The following INPP4B variants were observed in gnomAD, a reference collection of about 807,000 sequenced individuals.
INPP4B encodes inositol polyphosphate-4-phosphatase type II B, also known as inositol polyphosphate 4-phosphatase type II.
INPP4B carries 55 observed loss-of-function variants against 122.5 expected under a neutral mutation model. The observed-to-expected ratio is 0.45, with a 90% confidence interval of 0.36 to 0.56. The LOEUF (loss-of-function observed/expected upper bound fraction) is 0.56. Among genes scored for constraint, INPP4B ranks in the 20% least tolerant of loss-of-function variants. The pLI is 0.00. For missense variants in INPP4B, 1,000 were observed against 1,097.7 expected (o/e 0.91, Z 1.26); for synonymous variants, 403 against 388.7 (o/e 1.04, Z -0.43).
chr4:142,679,931 C>T (rs1758384377), intron 2 of INPP4B, among the ~76,000 whole-genome samples: 1 of 151,714 alleles, frequency 6.6e-6, no homozygotes, highest in Non-Finnish European at 1.5e-5. Flanking sequence ...ACGGTATTAT[C>T]TAGACATTAG....
chr4:142,416,287 G>A (rs1805750865), intron 5 of INPP4B, among the ~76,000 whole-genome samples: 1 of 152,078 alleles, frequency 6.6e-6, no homozygotes, highest in Admixed American at 6.6e-5. Context: ...AGCCGACAGG[G>A]AGGCAGCTGT....
At chr4:142,636,120 C>A (rs1353606862) in intron 2 of INPP4B, among the ~76,000 whole-genome samples, 1 of 152,002 alleles carries the variant, frequency 6.6e-6, no homozygotes, top group Non-Finnish European at 1.5e-5. Flanking sequence ...AGGGGCTTCT[C>A]CTTTCACTCA....
At chr4:142,764,774 C>T (rs1221472085) in intron 1 of INPP4B, among the ~76,000 whole-genome samples, 1 of 151,802 alleles carries the variant, frequency 6.6e-6, no homozygotes, top group Admixed American at 6.6e-5. Context: ...AGACCCTTAA[C>T]AGGAGGGTCT....
chr4:142,453,847 A>G (rs1814826461), intron 3 of INPP4B, among the ~76,000 whole-genome samples: 1 of 152,188 alleles, frequency 6.6e-6, no homozygotes, highest in Non-Finnish European at 1.5e-5. Context: ...TGGAATATCT[A>G]CAAGAATAAA....
chr4:142,035,089 T>C (rs1743011405), intron 25 of INPP4B, among the ~76,000 whole-genome samples: 1 of 152,202 alleles, frequency 6.6e-6, no homozygotes, highest in East Asian at 1.9e-4. Context: ...TAGAAGCACT[T>C]GGCATCAAGC....
chr4:142,230,475 A>G (rs1853727467), intron 12 of INPP4B, among the ~76,000 whole-genome samples: 1 of 151,984 alleles, frequency 6.6e-6, no homozygotes, highest in South Asian at 2.1e-4. Flanking sequence ...GAGAAACTCC[A>G]TCTCCACTAA....
intron 2 of INPP4B, among the ~76,000 whole-genome samples, chr4:142,633,620 G>A (rs1052923542): frequency 5.3e-5 from 8 of 152,064 alleles, no homozygotes; most frequent in Admixed American, 3.3e-4. Context: ...GAAAAAGACC[G>A]AAAGCAATGA....
intron 7 of INPP4B, among the ~76,000 whole-genome samples, chr4:142,318,607 A>G (rs1278909234): frequency 6.6e-6 from 1 of 152,208 alleles, no homozygotes; most frequent in African/African-American, 2.4e-5. Context: ...AAACATTCTT[A>G]CAGCTTCCTT....
chr4:142,789,293 G>C (rs1197452583), intron 1 of INPP4B, among the ~76,000 whole-genome samples: 1 of 152,068 alleles, frequency 6.6e-6, no homozygotes, highest in Non-Finnish European at 1.5e-5. Flanking sequence ...AAGTCAAACT[G>C]TCACTGTTTG....
rs1196117233 is a variant in INPP4B at position 142,027,480 on chromosome 4, T to G, written c.*1302A>C. ...TTGTAAAATTTGGAGAAAAGTTTCA[T>G]TCGTTCAGACTTTTGTACTCTTAGT... On this transcript the variant is annotated 3_prime_UTR_variant, in exon 26 of 26. Transcript: ENST00000262992. 6.6e-6 allele frequency: 1 copy of G among 152,222 alleles called. No individual in the cohort carries two copies. The highest frequency in any genetic ancestry group is 2.4e-5 in the African/African-American group (1 of 41,466). The allele number at this position is 152,222 out of a possible 1,614,324, so 9.4% of individuals were successfully genotyped here. A position where few individuals can be genotyped will look rare whatever the true frequency, so the allele number is the denominator to read the frequency against.
chr4:142,378,230 G>C (rs1240832339), intron 7 of INPP4B, among the ~76,000 whole-genome samples: 1 of 152,036 alleles, frequency 6.6e-6, no homozygotes, highest in African/African-American at 2.4e-5. Flanking sequence ...TAGAACTTTT[G>C]GCTCTAAATT....
intron 2 of INPP4B, among the ~76,000 whole-genome samples, chr4:142,675,826 A>C (rs755985446): frequency 6.6e-6 from 1 of 152,182 alleles, no homozygotes; most frequent in Non-Finnish European, 1.5e-5. Flanking sequence ...TCAATAAACT[A>C]GTTATTTATG....
chr4:142,230,560 C>T (rs898626990), intron 12 of INPP4B, among the ~76,000 whole-genome samples: 1 of 147,560 alleles, frequency 6.8e-6, no homozygotes, highest in African/African-American at 2.5e-5. Flanking sequence ...AGGAGAAACA[C>T]TTGAACCCAG....
At chr4:142,413,797 A>T (rs1314528732) in intron 5 of INPP4B, among the ~76,000 whole-genome samples, 1 of 152,128 alleles carries the variant, frequency 6.6e-6, no homozygotes, top group Non-Finnish European at 1.5e-5. Flanking sequence ...TTTAACCAAT[A>T]GCTTAGTATT....
At chr4:142,673,839 C>T (rs1012626999) in intron 2 of INPP4B, among the ~76,000 whole-genome samples, 1 of 152,090 alleles carries the variant, frequency 6.6e-6, no homozygotes, top group Non-Finnish European at 1.5e-5. Flanking sequence ...AAGAGCTATT[C>T]CTAGATGCGG....
intron 16 of INPP4B, among the ~76,000 whole-genome samples, chr4:142,171,885 A>G (rs1407262235): frequency 2.6e-5 from 4 of 151,868 alleles, no homozygotes; most frequent in Admixed American, 2.0e-4. Context: ...GTATGAAATG[A>G]CAAATCCCTG....
chr4:142,542,461 GA>G, intron 2 of INPP4B, among the ~76,000 whole-genome samples: 1 of 152,206 alleles, frequency 6.6e-6, no homozygotes, highest in Admixed American at 6.5e-5. Context: ...AACTATTTGA[GA>G]AAAACTAGCA....
At chr4:142,302,361 G>A (rs1761799197) in intron 9 of INPP4B, among the ~76,000 whole-genome samples, 1 of 152,142 alleles carries the variant, frequency 6.6e-6, no homozygotes, top group South Asian at 2.1e-4. Context: ...AGTAAGGTAT[G>A]TGATATGTGA....
At chr4:142,358,266 C>T (rs916169179) in intron 7 of INPP4B, among the ~76,000 whole-genome samples, 1 of 151,902 alleles carries the variant, frequency 6.6e-6, no homozygotes, top group African/African-American at 2.4e-5. Flanking sequence ...AATACATAGG[C>T]TTTATTCTAG....
Sources: allele counts gnomAD v4.1 joint callset (sites outside exome capture counted in the v4.1 genomes callset), GRCh38; gene constraint gnomAD v4.1.1; transcripts MANE v1.5; gene names NCBI Gene and HGNC (gene_info 2026-07-23, HGNC 2026-07-21).